Variants in RYR3 observed in about 807,000 individuals in gnomAD.
RYR3 encodes the protein ryanodine receptor 3, also known as brain ryanodine receptor-calcium release channel.
A neutral mutation model predicts 584.3 loss-of-function variants in RYR3; 207 were observed. The observed-to-expected ratio is 0.35, with a 90% CI of 0.32 to 0.40. The LOEUF (loss-of-function observed/expected upper bound fraction) is 0.40. RYR3 is among the 10% of genes least tolerant of loss of function. The pLI is 1.00. For synonymous variants in RYR3, 2,416 were observed against 2,248.5 expected (o/e 1.07, Z -2.11); for missense variants, 5,616 against 6,089.2 (o/e 0.92, Z 2.59).
chr15:33,793,127 A>G (rs1362086271), intron 67 of RYR3, among the ~76,000 whole-genome samples: 1 of 152,220 alleles, frequency 6.6e-6, no homozygotes, highest in Non-Finnish European at 1.5e-5. Flanking sequence ...AAGCGCATTA[A>G]TAATTACAGG....
intron 3 of RYR3, among the ~76,000 whole-genome samples, chr15:33,524,612 G>GT (rs1233479287): frequency 6.6e-6 from 1 of 152,108 alleles, no homozygotes; most frequent in Non-Finnish European, 1.5e-5. Context: ...CAAAAGGGTT[G>GT]TATTCCGTAC....
intron 4 of RYR3, among the ~76,000 whole-genome samples, chr15:33,532,606 CAT>C (rs1370637565): frequency 6.7e-6 from 1 of 150,062 alleles, no homozygotes; most frequent in Admixed American, 6.7e-5. Flanking sequence ...TACTCAATAA[CAT>C]AATATTATAT....
At chr15:33,500,806 T>G (rs2051911008) in intron 2 of RYR3, among the ~76,000 whole-genome samples, 1 of 151,924 alleles carries the variant, frequency 6.6e-6, no homozygotes, top group Non-Finnish European at 1.5e-5. Flanking sequence ...TCATCAGGAG[T>G]GTGGAGGTGG....
At chr15:33,805,626 C>T (rs368438094) in intron 69 of RYR3, among the ~76,000 whole-genome samples, 35 of 151,848 alleles carry the variant, frequency 2.3e-4, no homozygotes, top group South Asian at 6.3e-4. Flanking sequence ...TACAGGTGCC[C>T]GCCACCACGC....
chr15:33,655,841 A>G (rs1046373457), intron 32 of RYR3, among the ~76,000 whole-genome samples: 4 of 152,156 alleles, frequency 2.6e-5, no homozygotes, highest in African/African-American at 9.7e-5. Context: ...AGCTGTAGCC[A>G]TTTTCATTTT....
At chr15:33,405,962 C>T (rs1324751635) in intron 1 of RYR3, among the ~76,000 whole-genome samples, 2 of 152,210 alleles carry the variant, frequency 1.3e-5, no homozygotes, top group African/African-American at 4.8e-5. Context: ...ATGTGTCACT[C>T]CCTTCTCTAT....
chr15:33,826,418 C>A, intron 83 of RYR3, 149 bp downstream of exon 83: 2 of 858,034 alleles, frequency 2.3e-6, no homozygotes, highest in Non-Finnish European at 3.9e-6. Flanking sequence ...AAGTGTCTTC[C>A]ATCTGTAAAG....
At chr15:33,572,658 T>C (rs7174980) in intron 12 of RYR3, among the ~76,000 whole-genome samples, 103,426 of 123,822 alleles carry the variant, frequency 0.84, 43,577 homozygotes, top group Middle Eastern at 0.96. Flanking sequence ...AAACTATATA[T>C]ACACACACAC....
intron 1 of RYR3, among the ~76,000 whole-genome samples, chr15:33,343,862 C>T (rs768503734): frequency 5.9e-5 from 9 of 152,092 alleles, no homozygotes; most frequent in African/African-American, 9.7e-5. Flanking sequence ...AGAAAGATGT[C>T]TTGGGCATTT....
Position 33,566,817 on chromosome 15 carries a change from C to T in RYR3, c.1268+18C>T. The T allele has an allele frequency of 6.2e-7, 1 of 1,613,408 alleles. No individual in the cohort carries two copies. Among genetic ancestry groups the T allele is most frequent in the Non-Finnish European group, 8.5e-7 (1 of 1,179,478 alleles). On this transcript the variant is annotated intron_variant, in intron 12 of 103. Coordinates refer to ENST00000634891, the MANE Select transcript of RYR3 (RefSeq NM_001036.6). ...TTTGTCAGGTATGTTAGCTCCTTTC[C>T]TCCTCTACCTAGTGAGTTTGACTCT...
chr15:33,463,013 A>C (rs1479705319), intron 1 of RYR3, among the ~76,000 whole-genome samples: 1 of 152,028 alleles, frequency 6.6e-6, no homozygotes, highest in Non-Finnish European at 1.5e-5. Flanking sequence ...TCTACAAAAA[A>C]ACACAAAAAT....
intron 48 of RYR3, among the ~76,000 whole-genome samples, chr15:33,734,158 G>T (rs1437487702): frequency 6.6e-6 from 1 of 152,124 alleles, no homozygotes; most frequent in Non-Finnish European, 1.5e-5. Flanking sequence ...CCCAAAAAGG[G>T]TTTTCTCCCA....
In RYR3 at chr15:33,838,922, A is replaced by C. The variant is rs200676685; in HGVS notation, c.12942A>C (p.Thr4314=). 1 of 1,613,762 alleles carries C rather than the reference A, an allele frequency of 6.2e-7. No individual in the cohort carries two copies. Among genetic ancestry groups the C allele is most frequent in the Non-Finnish European group, 8.5e-7 (1 of 1,179,778 alleles). Residue 4314 remains threonine (T), a synonymous_variant, in exon 89 of 104, where the codon ACA becomes ACC. Coordinates refer to ENST00000634891, the MANE Select transcript of RYR3 (RefSeq NM_001036.6). ...SEIIGKDEPP[T]LESTVQKKRK... ...TTATTGGCAAGGATGAACCCCCTAC[A>C]TTAGAGAGTACTGTACAGAAGAAGA... is the stretch of plus-strand genomic sequence containing the variant.
intron 13 of RYR3, 98 bp from the exon 14 acceptor site, chr15:33,581,410 C>T: frequency 3.9e-6 from 5 of 1,268,156 alleles, no homozygotes; most frequent in Non-Finnish European, 5.5e-6. Context: ...TTGGCATTTT[C>T]AGCTTTAAAA....
rs537471673 is a variant in RYR3, at chr15:33,811,987, A to G, written c.10258-876A>G. On this transcript the variant is annotated intron_variant, in intron 72 of 103. Coordinates refer to ENST00000634891, the MANE Select transcript of RYR3 (RefSeq NM_001036.6). ...CAAACATATAGGAATGGTGGATAAA[A>G]TATACTAGGAAAAAAAAGGCAATAA... Among the ~76,000 whole-genome samples, 4 of 152,282 alleles carry G rather than the reference A, an allele frequency of 2.6e-5. No individual in the cohort carries two copies. In the South Asian group the frequency reaches 8.3e-4, roughly 32 times the overall value.
intron 1 of RYR3, among the ~76,000 whole-genome samples, chr15:33,359,123 G>A (rs1974386268): frequency 6.6e-6 from 1 of 152,166 alleles, no homozygotes; most frequent in Admixed American, 6.5e-5. Context: ...CTCCAACGGT[G>A]TGATAGTCTC....
intron 47 of RYR3, among the ~76,000 whole-genome samples, chr15:33,729,355 T>C (rs1198229284): frequency 6.6e-5 from 10 of 152,010 alleles, no homozygotes; most frequent in Non-Finnish European, 1.5e-4. Context: ...AGCACCCCAG[T>C]TCACCGCGAA....
At chr15:33,555,151 C>T (rs2056983980) in intron 10 of RYR3, among the ~76,000 whole-genome samples, 1 of 152,184 alleles carries the variant, frequency 6.6e-6, no homozygotes, top group Non-Finnish European at 1.5e-5. Flanking sequence ...GCATGGTGTT[C>T]TTGGCCAAAT....
At chr15:33,717,105 C>T (rs188494979) in intron 43 of RYR3, among the ~76,000 whole-genome samples, 2 of 152,226 alleles carry the variant, frequency 1.3e-5, no homozygotes, top group African/African-American at 4.8e-5. Flanking sequence ...CACAATTCTG[C>T]GATTAAATAC....
Sources: allele counts gnomAD v4.1 joint callset (sites outside exome capture counted in the v4.1 genomes callset), GRCh38; gene constraint gnomAD v4.1.1; transcripts MANE v1.5; gene names NCBI Gene and HGNC (gene_info 2026-07-23, HGNC 2026-07-21).